Variants in PEX26 observed in about 807,000 individuals in gnomAD.
The protein encoded by PEX26 is peroxisomal biogenesis factor 26, also known as peroxisome assembly protein 26.
A neutral mutation model predicts 31.4 loss-of-function variants in PEX26; 18 were observed. The ratio of observed to expected loss-of-function variants is 0.57; its 90% CI spans 0.40 to 0.85. The LOEUF (loss-of-function observed/expected upper bound fraction) is 0.85, where lower values mean the gene tolerates loss of function less well. PEX26 is among the 40% of genes least tolerant of loss of function. The pLI, the probability that PEX26 is intolerant of heterozygous loss-of-function variation, is 0.00. For missense variants in PEX26, 377 were observed against 383.9 expected (o/e 0.98, Z 0.15); for synonymous variants, 176 against 166.9 (o/e 1.05, Z -0.42).
intron 1 of PEX26, 43 bp downstream of exon 1, chr22:18,078,649 TGTG>T (rs1926411974): frequency 6.5e-7 from 1 of 1,540,872 alleles, no homozygotes; most frequent in Non-Finnish European, 8.8e-7. Context: ...CGGGCGCTCT[TGTG>T]GTGGGGCTCA....
At position 18,100,706 on chromosome 22, in the gene PEX26, GC is replaced by G. The variant is rs1164184578; in HGVS notation, c.*12632del. The G allele has an allele frequency of 6.6e-6, 1 of 152,200 alleles. No individual in the cohort carries two copies. The highest frequency in any genetic ancestry group is 2.4e-5 in the African/African-American group (1 of 41,458). The allele number at this position is 152,200 out of a possible 1,614,324, so 9.4% of individuals were successfully genotyped here. Reference sequence around the variant, plus strand: ...ATTCTACCAATGGTATTAATTCAAAGCAGGTAGATGACCAGCGATGCTGTTT... The same window carrying G: ...ATTCTACCAATGGTATTAATTCAAAGAGGTAGATGACCAGCGATGCTGTTT... On this transcript the variant is annotated 3_prime_UTR_variant, in exon 5 of 5. Transcript: ENST00000399744.
At chr22:18,081,245 T>TACACACACACACACACACACAC (rs59081749) in intron 2 of PEX26, among the ~76,000 whole-genome samples, 3 of 138,024 alleles carry the variant, frequency 2.2e-5, no homozygotes, top group Non-Finnish European at 3.2e-5. Flanking sequence ...TGTACACATA[T>TACACACACACACACACACACAC]ACACACACAC....
Position 18,079,873 on chromosome 22 carries a change from G to A in PEX26, c.231-1G>A, listed in dbSNP as rs1356892369. 2 of 1,614,032 alleles carry A rather than the reference G, an allele frequency of 1.2e-6. No individual in the cohort carries two copies. Among genetic ancestry groups the A allele is most frequent in the Admixed American group, 3.3e-5 (2 of 60,006 alleles). On this transcript the variant is annotated splice_acceptor_variant, in intron 1 of 4. Coordinates refer to ENST00000399744, the MANE Select transcript of PEX26 (RefSeq NM_001127649.3). LOFTEE classifies it high-confidence loss of function. ...ACTGAAATTGGTTTTTCTGCTGACA[G>A]CTCATTGGAGGTGAAGTGCTCCCTG...
intron 3 of PEX26, among the ~76,000 whole-genome samples, chr22:18,084,405 T>C (rs918201678): frequency 1.3e-5 from 2 of 152,054 alleles, no homozygotes; most frequent in Non-Finnish European, 2.9e-5. Context: ...CCACCACACC[T>C]GGCTAATTTT....
In PEX26 at chr22:18,079,679, G is replaced by T. The variant is rs61625895; in HGVS notation, c.231-195G>T. Among the ~76,000 whole-genome samples, 583 of 152,274 alleles carry T rather than the reference G, an allele frequency of 3.8e-3. 4 individuals are homozygous for T. Among genetic ancestry groups the T allele is most frequent in the African/African-American group, 0.013 (546 of 41,544 alleles). The stretch of plus-strand genomic sequence containing the variant: ...ACAGCTGACTTGCCTCTTGAAAGAG[G>T]GTTACAGGAACTTTTAGTTCCTGGG... On this transcript the variant is annotated intron_variant, in intron 1 of 4. Coordinates refer to ENST00000399744, the MANE Select transcript of PEX26 (RefSeq NM_001127649.3).
At chr22:18,080,540 C>T (rs1315943964) in intron 2 of PEX26, among the ~76,000 whole-genome samples, 6 of 152,086 alleles carry the variant, frequency 3.9e-5, no homozygotes, top group Admixed American at 3.9e-4. Flanking sequence ...CCGTGTTAGC[C>T]AGGATGGTCT....
At chr22:18,080,876 A>G (rs1926548297) in intron 2 of PEX26, among the ~76,000 whole-genome samples, 1 of 151,980 alleles carries the variant, frequency 6.6e-6, no homozygotes, top group African/African-American at 2.4e-5. Flanking sequence ...ACCACAACTT[A>G]TTCCTCCTAT....
chr22:18,092,815 C>CT lies in PEX26; in HGVS notation c.*4748dup, dbSNP rs35839528. On this transcript the variant is annotated 3_prime_UTR_variant, in exon 5 of 5. Coordinates refer to ENST00000399744, the MANE Select transcript of PEX26 (RefSeq NM_001127649.3). Reference sequence around the variant, plus strand: ...TGGGCAACCTAGTGGGACCCCATTTCTTTTTTTTGGGGGGGGGGTGGGTTA... The same window carrying CT: ...TGGGCAACCTAGTGGGACCCCATTTCTTTTTTTTTGGGGGGGGGGTGGGTTA... 210 of 68,168 alleles carry CT rather than the reference C, an allele frequency of 3.1e-3. 2 individuals are homozygous for CT. Among genetic ancestry groups the CT allele is most frequent in the African/African-American group, 0.013 (196 of 15,328 alleles). The allele number at this position is 68,168 out of a possible 1,614,324, so 4.2% of individuals were successfully genotyped here.
rs1385514820 is a variant in PEX26, at chr22:18,097,222, C to G, written c.*9147C>G. 1 of 151,804 alleles carries G rather than the reference C, an allele frequency of 6.6e-6. No individual in the cohort carries two copies. The highest frequency in any genetic ancestry group is 2.4e-5 in the African/African-American group (1 of 41,288). 9.4% of individuals were successfully genotyped at this position (151,804 alleles called of 1,614,324 possible). ...TATCACCTCCCATCTCTTCATTTAGCAAGTTCACCTACCCCAATGGCAGCT... is the reference window on the plus strand; with the variant it reads ...TATCACCTCCCATCTCTTCATTTAGGAAGTTCACCTACCCCAATGGCAGCT... On this transcript the variant is annotated 3_prime_UTR_variant, in exon 5 of 5. Transcript: ENST00000399744.
rs903074027 is a variant in PEX26 at position 18,096,743 on chromosome 22, C to G, written c.*8668C>G. ...GGCTCTGATTTCTTAAAGTGCTAAG[C>G]CTTTTTATATATTCATTTCAGACCA... On this transcript the variant is annotated 3_prime_UTR_variant, in exon 5 of 5. Coordinates refer to ENST00000399744, the MANE Select transcript of PEX26 (RefSeq NM_001127649.3). The G allele has an allele frequency of 1.3e-5, 2 of 152,134 alleles. No individual in the cohort carries two copies. Among genetic ancestry groups the G allele is most frequent in the Non-Finnish European group, 2.9e-5 (2 of 68,044 alleles). 9.4% of individuals were successfully genotyped at this position (152,134 alleles called of 1,614,324 possible).
At chr22:18,081,225 T>C (rs1401020156) in intron 2 of PEX26, among the ~76,000 whole-genome samples, 2 of 129,150 alleles carry the variant, frequency 1.5e-5, no homozygotes, top group East Asian at 2.3e-4. Flanking sequence ...ATACACATAA[T>C]ATACATATAT....
Position 18,098,601 on chromosome 22 carries a change from C to T in PEX26, c.*10526C>T, listed in dbSNP as rs1447621771. The T allele has an allele frequency of 6.6e-6, 1 of 151,564 alleles. No homozygotes were observed. Among genetic ancestry groups the T allele is most frequent in the African/African-American group, 2.4e-5 (1 of 41,172 alleles). The allele number at this position is 151,564 out of a possible 1,614,324, so 9.4% of individuals were successfully genotyped here. On this transcript the variant is annotated 3_prime_UTR_variant, in exon 5 of 5. Transcript: ENST00000399744. ...GAGCTGAGATCCTGCCACTGCACTC[C>T]AGTCTGGGCGACAGAGTGAGATTCT...
rs988740478 is a variant in PEX26 at position 18,078,336 on chromosome 22, C to G, written c.-41C>G. ...CCCGGAGCCTCTGGGGAGGCGGTCA[C>G]TCCGACGTCTGAGGACCTGGGCCTT... On this transcript the variant is annotated 5_prime_UTR_variant, in exon 1 of 5. Transcript: ENST00000399744. 6.8e-6 allele frequency: 10 copies of G among 1,459,902 alleles called. No individual in the cohort carries two copies. The highest frequency in any genetic ancestry group is 2.3e-5 in the East Asian group (1 of 43,244). The allele number at this position is 1,459,902 out of a possible 1,614,324, so 90.4% of individuals were successfully genotyped here.
At chr22:18,080,405 C>T (rs1268367675) in intron 2 of PEX26, among the ~76,000 whole-genome samples, 1 of 152,220 alleles carries the variant, frequency 6.6e-6, no homozygotes, top group East Asian at 1.9e-4. Context: ...TCTCTGCTCA[C>T]TGCAAGCTCC....
Position 18,086,679 on chromosome 22 carries a change from T to C in PEX26, c.815-1293T>C, listed in dbSNP as rs1389629268. On this transcript the variant is annotated intron_variant, in intron 4 of 4. Coordinates refer to ENST00000399744, the MANE Select transcript of PEX26 (RefSeq NM_001127649.3). The stretch of plus-strand genomic sequence containing the variant: ...TTTTTGTGTTACTCAGTGTGAGTTA[T>C]GTTCTAATCTCTACTCTTCTCATGA... Among the ~76,000 whole-genome samples, 10 of 152,310 alleles carry C rather than the reference T, an allele frequency of 6.6e-5. No homozygotes were observed. The East Asian group carries it at 1.5e-3, about 24-fold the overall frequency.
chr22:18,082,776 G>T (rs534574746), intron 2 of PEX26, among the ~76,000 whole-genome samples: 1 of 152,306 alleles, frequency 6.6e-6, no homozygotes, highest in East Asian at 1.9e-4. Context: ...CATTAAATCT[G>T]TAAATTGCTT....
chr22:18,099,342 C>T lies in PEX26; in HGVS notation c.*11267C>T, dbSNP rs1927385481. 1 of 152,176 alleles carries T rather than the reference C, an allele frequency of 6.6e-6. No individual in the cohort carries two copies. 9.4% of individuals were successfully genotyped at this position (152,176 alleles called of 1,614,324 possible). ...AAATAGCCTGGGGCCTAGCATGGCT[C>T]TGCTGCCACGTAGGATGACTGGACC... On this transcript the variant is annotated 3_prime_UTR_variant, in exon 5 of 5. Transcript: ENST00000399744.
chr22:18,085,317 C>T, intron 4 of PEX26, 59 bp downstream of exon 4: 1 of 1,576,218 alleles, frequency 6.3e-7, no homozygotes. Flanking sequence ...CAGGGCTGGG[C>T]CTGTGGGAGT....
Position 18,085,271 on chromosome 22 carries a change from G to A in PEX26, c.814+13G>A. 1 of 1,613,870 alleles carries A rather than the reference G, an allele frequency of 6.2e-7. No individual in the cohort carries two copies. Among genetic ancestry groups the A allele is most frequent in the Middle Eastern group, 1.7e-4 (1 of 6,060 alleles). On this transcript the variant is annotated intron_variant, in intron 4 of 4. Transcript: ENST00000399744. ...AGATTTGATCCAGGTAAGAGGTGGAGACTCTCCCCTGTCCTTCCTGGGAAG... is the reference window on the plus strand; with the variant it reads ...AGATTTGATCCAGGTAAGAGGTGGAAACTCTCCCCTGTCCTTCCTGGGAAG...
Sources: allele counts gnomAD v4.1 joint callset (sites outside exome capture counted in the v4.1 genomes callset), GRCh38; gene constraint gnomAD v4.1.1; transcripts MANE v1.5; gene names NCBI Gene and HGNC (gene_info 2026-07-23, HGNC 2026-07-21).